Variants in MTM1 observed in about 807,000 individuals in gnomAD.
The protein encoded by MTM1 is myotubularin.
MTM1 carries 9 observed loss-of-function variants against 52.1 expected under a neutral mutation model. That is an observed-to-expected ratio of 0.17 (90% confidence interval 0.10 to 0.30). MTM1 has a LOEUF of 0.30. Ranked by LOEUF, MTM1 falls within the 10% of genes least tolerant of loss-of-function variation. MTM1 has a pLI of 1.00. For missense variants in MTM1, 277 were observed against 470.7 expected (o/e 0.59, Z 3.81); for synonymous variants, 136 against 163.8 (o/e 0.83, Z 1.29).
chrX:150,653,681 A>T (rs188111292), intron 10 of MTM1, among the ~76,000 whole-genome samples: 1 of 112,194 alleles, frequency 8.9e-6, no homozygotes, highest in East Asian at 2.8e-4. Context: ...TGAGAAAATC[A>T]CCATCCTTAG....
At chrX:150,615,579 T>A (rs1262284556) in intron 5 of MTM1, among the ~76,000 whole-genome samples, 1 of 111,343 alleles carries the variant, frequency 9.0e-6, no homozygotes, top group Non-Finnish European at 1.9e-5. Flanking sequence ...GATAGAGAAG[T>A]GAGGCCTTTG....
chrX:150,584,008 A>G lies in MTM1; in HGVS notation c.-10-8597A>G, dbSNP rs923639558. ...TATATTAAATATATATATTAAATAT[A>G]TATTTCCCATACCTGATCTGGCAGC... is the stretch of plus-strand genomic sequence containing the variant. On this transcript the variant is annotated intron_variant, in intron 1 of 14. Coordinates refer to ENST00000370396, the MANE Select transcript of MTM1 (RefSeq NM_000252.3). Among the ~76,000 whole-genome samples, 129 of 89,274 alleles carry G rather than the reference A, an allele frequency of 1.4e-3. 1 individual carries two copies. The highest frequency in any genetic ancestry group is 2.4e-3 in the Non-Finnish European group (115 of 47,057). 77.5% of individuals were successfully genotyped at this position (89,274 alleles called of 115,157 possible). A position where few individuals can be genotyped will look rare whatever the true frequency, so the allele number is the denominator to read the frequency against.
chrX:150,633,888 A>G (rs1242686045), intron 6 of MTM1, among the ~76,000 whole-genome samples: 1 of 111,887 alleles, frequency 8.9e-6, no homozygotes, highest in African/African-American at 3.2e-5. Context: ...AAAAAAAATT[A>G]GCTGGGCGTG....
At chrX:150,633,377 A>G (rs1457005201) in intron 6 of MTM1, among the ~76,000 whole-genome samples, 1 of 112,102 alleles carries the variant, frequency 8.9e-6, no homozygotes, top group Non-Finnish European at 1.9e-5. Context: ...TTTTTGGAAT[A>G]ACTGCGTCAA....
At position 150,654,691 on chromosome X, in the gene MTM1, T is replaced by C. The variant is rs191252319; in HGVS notation, c.1054-3130T>C. Among the ~76,000 whole-genome samples, 373 of 112,078 alleles carry C rather than the reference T, an allele frequency of 3.3e-3. 1 individual carries two copies. Among genetic ancestry groups the C allele is most frequent in the Middle Eastern group, 9.1e-3 (2 of 219 alleles). On this transcript the variant is annotated intron_variant, in intron 10 of 14. Transcript: ENST00000370396. ...TATTGCATAGTAAGGTTTGGGCTTC[T>C]AGTTTACCCATCACCCGAATAGTGA... is the stretch of plus-strand genomic sequence containing the variant.
At chrX:150,597,017 G>A (rs2038988205) in intron 3 of MTM1, 1 of 128,753 alleles carries the variant, frequency 7.8e-6, no homozygotes, top group Admixed American at 8.0e-5. Flanking sequence ...GAAAATGGAA[G>A]TTAGTATTTA....
chrX:150,667,181 C>T (rs1159234501), intron 14 of MTM1, among the ~76,000 whole-genome samples: 1 of 111,781 alleles, frequency 8.9e-6, no homozygotes, highest in Non-Finnish European at 1.9e-5. Flanking sequence ...TGACTGCCAC[C>T]CCACCCCTTA....
At position 150,655,579 on chromosome X, in the gene MTM1, GA is replaced by G. The variant is rs781956080; in HGVS notation, c.1054-2241del. Among the ~76,000 whole-genome samples, 3 of 112,118 alleles carry G rather than the reference GA, an allele frequency of 2.7e-5. No homozygotes were observed. The Admixed American group carries it at 2.8e-4, about 11-fold the overall frequency. On this transcript the variant is annotated intron_variant, in intron 10 of 14. Transcript: ENST00000370396. ...TGACCATGAGAAGGAATGAAGTACT[GA>G]TTCGTGCTACAACACAAATGAACCT... is the stretch of plus-strand genomic sequence containing the variant.
At chrX:150,661,261 T>G (rs1310523868) in intron 13 of MTM1, among the ~76,000 whole-genome samples, 5 of 111,154 alleles carry the variant, frequency 4.5e-5, no homozygotes, top group African/African-American at 1.6e-4. Context: ...TGAGCTCAAG[T>G]GATCCACCCG....
intron 4 of MTM1, among the ~76,000 whole-genome samples, chrX:150,604,778 A>G (rs1374611155): frequency 1.8e-5 from 2 of 110,680 alleles, no homozygotes; most frequent in Non-Finnish European, 3.8e-5. Context: ...CATACCTGCA[A>G]TCTTCTCATT....
At chrX:150,652,081 T>G (rs782448813) in intron 10 of MTM1, among the ~76,000 whole-genome samples, 16 of 111,456 alleles carry the variant, frequency 1.4e-4, no homozygotes, top group African/African-American at 4.6e-4. Flanking sequence ...GAGGATCATA[T>G]GACTATGAGA....
chrX:150,625,205 A>G (rs1488944775), intron 6 of MTM1, among the ~76,000 whole-genome samples: 3 of 111,911 alleles, frequency 2.7e-5, no homozygotes, highest in Non-Finnish European at 5.6e-5. Context: ...CTGTGTTCTC[A>G]TCTGTAATGG....
intron 14 of MTM1, among the ~76,000 whole-genome samples, chrX:150,665,349 G>C (rs781982932): frequency 2.7e-5 from 3 of 112,165 alleles, no homozygotes; most frequent in Admixed American, 9.5e-5. Flanking sequence ...CAAGCTGGTA[G>C]GGGCGGCCAG....
Position 150,583,828 on chromosome X carries a change from AAT to A in MTM1, c.-10-8769_-10-8768del, listed in dbSNP as rs1183081109. Among the ~76,000 whole-genome samples the A allele has an allele frequency of 7.7e-5, 4 of 52,205 alleles. 1 individual carries two copies. Among genetic ancestry groups the A allele is most frequent in the African/African-American group, 2.8e-4 (4 of 14,334 alleles). The allele number at this position is 52,205 out of a possible 115,157, so 45.3% of individuals were successfully genotyped here. A position where few individuals can be genotyped will look rare whatever the true frequency, so the allele number is the denominator to read the frequency against. On this transcript the variant is annotated intron_variant, in intron 1 of 14. Transcript: ENST00000370396. ...TTAAATATATATATTAAATATACAA[AAT>A]ATATATAAATATATATCAAATATAT... is the stretch of plus-strand genomic sequence containing the variant.
chrX:150,606,592 G>A (rs781920812), intron 4 of MTM1, among the ~76,000 whole-genome samples: 1 of 111,407 alleles, frequency 9.0e-6, no homozygotes, highest in African/African-American at 3.3e-5. Flanking sequence ...CACCTAAGGA[G>A]GTCTACCTTC....
intron 1 of MTM1, among the ~76,000 whole-genome samples, chrX:150,591,482 C>T (rs1031622142): frequency 3.5e-4 from 39 of 112,649 alleles, no homozygotes; most frequent in African/African-American, 1.1e-3. Flanking sequence ...TGGCCATCTC[C>T]CCACCTCTTC....
chrX:150,583,193 T>C (rs1557411959), intron 1 of MTM1, among the ~76,000 whole-genome samples: 1 of 73,016 alleles, frequency 1.4e-5, no homozygotes, highest in East Asian at 4.3e-4. Context: ...ATATATAAAT[T>C]ATATATAAAT....
chrX:150,592,844 A>G (rs1418660187), intron 2 of MTM1, among the ~76,000 whole-genome samples, 167 bp downstream of exon 2: 1 of 109,091 alleles, frequency 9.2e-6, no homozygotes, highest in Non-Finnish European at 1.9e-5. Context: ...GTTCTAGAAA[A>G]GCTTTTTTTT....
At chrX:150,595,659 C>T (rs2038963419) in intron 2 of MTM1, among the ~76,000 whole-genome samples, 1 of 112,325 alleles carries the variant, frequency 8.9e-6, no homozygotes, top group South Asian at 3.7e-4. Flanking sequence ...ATCAGACTAG[C>T]ACCTGCAACA....
Sources: gnomAD v4.1 joint callset for allele counts (sites outside exome capture counted in the v4.1 genomes callset) on GRCh38, gnomAD v4.1.1 for gene constraint, MANE v1.5 for transcripts, NCBI Gene and HGNC (gene_info 2026-07-23, HGNC 2026-07-21) for gene names.